The following RP1 variants were observed in gnomAD, a reference collection of about 807,000 sequenced individuals.
RP1 encodes oxygen-regulated protein 1.
Under a neutral mutation model 14.8 loss-of-function variants are expected in RP1, and 16 were observed. The ratio of observed to expected loss-of-function variants is 1.08; its 90% CI spans 0.73 to 1.65. The LOEUF (loss-of-function observed/expected upper bound fraction) is 1.65, where lower values mean the gene tolerates loss of function less well. Ranked by LOEUF, RP1 falls within the 40% of genes most tolerant of loss-of-function variation. RP1 has a pLI of 0.00. For synonymous variants in RP1, 876 were observed against 883.6 expected (o/e 0.99, Z 0.15); for missense variants, 2,631 against 2,535.0 (o/e 1.04, Z -0.81).
intron 19 of RP1, chr8:54,754,668 C>T: frequency 1.1e-6 from 1 of 875,700 alleles, no homozygotes; most frequent in Non-Finnish European, 1.5e-6. Context: ...ACTACTACTA[C>T]TAACAACCAT....
At chr8:54,564,030 C>T (rs937039260) in intron 1 of RP1, among the ~76,000 whole-genome samples, 4 of 152,138 alleles carry the variant, frequency 2.6e-5, no homozygotes, top group East Asian at 1.9e-4. Context: ...TGTGAGAGAC[C>T]GCTGCGGAGT....
intron 19 of RP1, among the ~76,000 whole-genome samples, chr8:54,744,812 C>T (rs1056015415): frequency 6.6e-6 from 1 of 152,188 alleles, no homozygotes; most frequent in African/African-American, 2.4e-5. Flanking sequence ...TTTATATAGT[C>T]TTCTTAATCA....
At chr8:54,854,710 C>G (rs886753812) in intron 26 of RP1, among the ~76,000 whole-genome samples, 18 of 151,974 alleles carry the variant, frequency 1.2e-4, no homozygotes, top group African/African-American at 4.1e-4. Context: ...ACTGAAAATA[C>G]AAAAATTAGC....
intron 24 of RP1, among the ~76,000 whole-genome samples, chr8:54,793,330 G>T (rs1810512531): frequency 6.6e-6 from 1 of 151,900 alleles, no homozygotes; most frequent in South Asian, 2.1e-4. Flanking sequence ...CTCATTTTAT[G>T]AGGCCAGCAT....
chr8:54,627,473 T>C lies in RP1; in HGVS notation c.3591T>C (p.Ser1197=), dbSNP rs1460116708. The C allele has an allele frequency of 6.2e-7, 1 of 1,613,996 alleles. No individual in the cohort carries two copies. Among genetic ancestry groups the C allele is most frequent in the African/African-American group, 1.3e-5 (1 of 74,940 alleles). The part of the protein sequence containing the change: ...VESTTSHFGL[S]EKEQDMVPID... Reference sequence around the variant, plus strand: ...CAACTACAAGCCACTTTGGACTCAGTGAGAAAGAACAAGACATGGTTCCAA... The same window carrying C: ...CAACTACAAGCCACTTTGGACTCAGCGAGAAAGAACAAGACATGGTTCCAA... The change falls in exon 4 of 4, where the codon AGT becomes AGC. Residue 1197 remains serine, a synonymous_variant. Transcript: ENST00000220676.
intron 22 of RP1, among the ~76,000 whole-genome samples, chr8:54,768,100 G>A (rs747802091): frequency 3.9e-5 from 6 of 152,236 alleles, no homozygotes; most frequent in Non-Finnish European, 5.9e-5. Flanking sequence ...AACCCCTGCC[G>A]CTACCCCATC....
intron 24 of RP1, among the ~76,000 whole-genome samples, chr8:54,812,191 A>G (rs1361448784): frequency 2.6e-5 from 4 of 152,192 alleles, no homozygotes; most frequent in Non-Finnish European, 4.4e-5. Flanking sequence ...CCCAGGCTGG[A>G]GTGCAGTGGT....
chr8:54,571,997 G>GTAA (rs1298294577), intron 1 of RP1, among the ~76,000 whole-genome samples: 2 of 152,104 alleles, frequency 1.3e-5, no homozygotes, highest in Admixed American at 6.5e-5. Context: ...GTACTGGGGG[G>GTAA]AAGGACTTCA....
At chr8:54,787,187 A>G (rs1174989361) in intron 24 of RP1, among the ~76,000 whole-genome samples, 1 of 152,130 alleles carries the variant, frequency 6.6e-6, no homozygotes, top group Non-Finnish European at 1.5e-5. Flanking sequence ...CTAGAATGTC[A>G]CTAAGAGCCA....
intron 6 of RP1, among the ~76,000 whole-genome samples, chr8:54,659,258 T>A (rs190466778): frequency 6.6e-6 from 1 of 152,316 alleles, no homozygotes; most frequent in East Asian, 1.9e-4. Flanking sequence ...TTTGTTTTTG[T>A]TGCATGTGAT....
At chr8:54,635,671 C>T (rs539482339), downstream of RP1, among the ~76,000 whole-genome samples, 94 of 152,264 alleles carry the variant, frequency 6.2e-4, no homozygotes, top group Admixed American at 1.0e-3. Context: ...AGCTTACTTT[C>T]CCGTGTAGTT....
intron 5 of RP1, among the ~76,000 whole-genome samples, chr8:54,653,138 C>T (rs1438124730): frequency 4.6e-5 from 7 of 152,086 alleles, no homozygotes; most frequent in Admixed American, 4.6e-4. Flanking sequence ...GATATAGTTG[C>T]ACTGCTGATA....
At chr8:54,654,497 C>G (rs1806715612) in intron 5 of RP1, among the ~76,000 whole-genome samples, 1 of 152,082 alleles carries the variant, frequency 6.6e-6, no homozygotes, top group South Asian at 2.1e-4. Flanking sequence ...AATAACCTTG[C>G]AAACAATAAT....
chr8:54,667,578 A>T (rs1317201338), intron 7 of RP1, among the ~76,000 whole-genome samples: 2 of 152,022 alleles, frequency 1.3e-5, no homozygotes, highest in African/African-American at 4.8e-5. Flanking sequence ...TATTTCTGGG[A>T]TGTGGTTTGC....
At chr8:54,650,961 T>C (rs981741077) in intron 4 of RP1, among the ~76,000 whole-genome samples, 1 of 151,850 alleles carries the variant, frequency 6.6e-6, no homozygotes, top group African/African-American at 2.4e-5. Context: ...CAATTTCTAG[T>C]TTGTTGAATT....
chr8:54,583,812 T>A (rs1415400884), intron 1 of RP1, among the ~76,000 whole-genome samples: 1 of 152,244 alleles, frequency 6.6e-6, no homozygotes, highest in Non-Finnish European at 1.5e-5. Context: ...TATTCTCTGA[T>A]GGTAGTTAGT....
intron 3 of RP1, among the ~76,000 whole-genome samples, chr8:54,623,945 A>T (rs1805951007): frequency 6.6e-6 from 1 of 152,208 alleles, no homozygotes; most frequent in South Asian, 2.1e-4. Flanking sequence ...CAACGAAATG[A>T]AAACCCACAA....
intron 3 of RP1, among the ~76,000 whole-genome samples, chr8:54,637,596 T>A (rs1181902855): frequency 6.6e-6 from 1 of 152,232 alleles, no homozygotes; most frequent in Admixed American, 6.5e-5. Flanking sequence ...TGCTGTTTAT[T>A]TCTGTATTTA....
chr8:54,869,520 A>T (rs2129331047), intron 28 of RP1, among the ~76,000 whole-genome samples: 1 of 152,356 alleles, frequency 6.6e-6, no homozygotes, highest in South Asian at 2.1e-4. Context: ...GACAGGAGAA[A>T]ATAACAGCTA....
Sources: gnomAD v4.1 joint callset for allele counts (sites outside exome capture counted in the v4.1 genomes callset) on GRCh38, gnomAD v4.1.1 for gene constraint, MANE v1.5 for transcripts, NCBI Gene and HGNC (gene_info 2026-07-23, HGNC 2026-07-21) for gene names.